ISG20: variants seen among roughly 807,000 people sequenced by gnomAD.
ISG20 encodes the protein interferon-stimulated gene 20 kDa protein.
Under a neutral mutation model 11.1 loss-of-function variants are expected in ISG20, and 8 were observed. That is an observed-to-expected ratio of 0.72 (90% CI 0.42 to 1.30). The LOEUF (loss-of-function observed/expected upper bound fraction) is 1.30, where lower values mean the gene tolerates loss of function less well. Ranked by LOEUF, ISG20 falls within the 50% of genes most tolerant of loss-of-function variation. The probability of loss-of-function intolerance (pLI) is 0.01; values close to 1 mark genes in which losing one functional copy is unlikely to be tolerated. For synonymous variants in ISG20, 110 were observed against 101.7 expected, an observed-to-expected ratio of 1.08 and a Z score of -0.49; for missense variants, 243 against 250.2, an observed-to-expected ratio of 0.97 and a Z score of 0.19.
At chr15:88,651,846 A>C in intron 2 of ISG20, 2 of 1,321,930 alleles carry the variant, frequency 1.5e-6, no homozygotes, top group Non-Finnish European at 1.9e-6. Context: ...GGAAATACTC[A>C]GGATGTACTA....
chr15:88,650,074 G>A lies in ISG20; in HGVS notation c.229-2036G>A, dbSNP rs531526410. On this transcript the variant is annotated intron_variant, in intron 2 of 3. Transcript: ENST00000306072. The surrounding 1 kb of genome is among the most constrained non-coding windows in gnomAD (Gnocchi z 4.0). ...AGAAGGAGAAGCAGGCTACGGGGAA[G>A]GTGTTAGGCACCAGAAGGCTCTTTC... is the stretch of plus-strand genomic sequence containing the variant. 138 of 622,764 alleles carry A rather than the reference G, an allele frequency of 2.2e-4. 1 individual carries two copies. The African/African-American group carries it at 2.2e-3, about 10-fold the overall frequency. The allele number at this position is 622,764 out of a possible 1,614,324, so 38.6% of individuals were successfully genotyped here.
upstream of ISG20, chr15:88,636,004 A>G (rs1196517724): frequency 1.3e-5 from 2 of 152,258 alleles, no homozygotes; most frequent in African/African-American, 4.8e-5. Context: ...TTTTAGGCGT[A>G]CATGCCCAGC....
upstream of ISG20, among the ~76,000 whole-genome samples, chr15:88,638,126 AG>A (rs747920657): frequency 7.2e-5 from 11 of 152,216 alleles, no homozygotes; most frequent in Non-Finnish European, 1.3e-4. Context: ...TGACACTGGG[AG>A]GCAGTCAGAT....
intron 2 of ISG20, among the ~76,000 whole-genome samples, chr15:88,645,187 G>A (rs1467317149): frequency 6.6e-6 from 1 of 152,118 alleles, no homozygotes; most frequent in East Asian, 1.9e-4. Flanking sequence ...TCACCTATAG[G>A]TTTGTACAAT....
At chr15:88,653,426 G>A (rs191234034) in intron 3 of ISG20, among the ~76,000 whole-genome samples, 2 of 152,266 alleles carry the variant, frequency 1.3e-5, no homozygotes, top group South Asian at 2.1e-4. Flanking sequence ...GGAGCACGGA[G>A]CCCGCCCCTA....
intron 3 of ISG20, among the ~76,000 whole-genome samples, chr15:88,655,126 A>T (rs956616881): frequency 1.3e-5 from 2 of 152,220 alleles, no homozygotes; most frequent in Non-Finnish European, 2.9e-5. Flanking sequence ...CGTGTGTCTG[A>T]CAGCAAGTCT....
chr15:88,649,777 G>A, intron 2 of ISG20: 1 of 170,320 alleles, frequency 5.9e-6, no homozygotes, highest in South Asian at 1.4e-4. Flanking sequence ...GCGCTGGTGT[G>A]GTTCAGGAGC....
At chr15:88,651,698 G>C (rs73465643) in intron 2 of ISG20, 1 of 781,626 alleles carries the variant, frequency 1.3e-6, no homozygotes, top group South Asian at 4.8e-5. Flanking sequence ...CTCTTTGCCA[G>C]GTAATGCATT....
chr15:88,655,488 T>C lies in ISG20; in HGVS notation c.503T>C (p.Ile168Thr), dbSNP rs1289784095. 3.1e-6 allele frequency: 5 copies of C among 1,613,524 alleles called. No individual in the cohort carries two copies. The part of the protein sequence containing the change: ...TMELYQISQR[I>T]RARRGLPRLA... ...GAGCTCTATCAAATCTCCCAGAGAA[T>C]CCGAGCCCGCCGAGGGCTGCCCCGC... The change falls in exon 4 of 4, where the codon ATC becomes ACC. Residue 168 changes from isoleucine (I) to threonine (T), a missense_variant. By Grantham distance (89) the Ile-to-Thr change is moderately conservative. Transcript: ENST00000306072.
chr15:88,655,407 GT>G lies in ISG20; in HGVS notation c.430-7del. 8 of 1,613,286 alleles carry G rather than the reference GT, an allele frequency of 5.0e-6. No homozygotes were observed. The South Asian group carries it at 8.8e-5, about 18-fold the overall frequency. ...TCCCAAGTCCCCACTCTATACTTGT[GT>G]CTGCAGAACAGCCTGCTTGGACACA... On this transcript the variant is annotated splice_polypyrimidine_tract_variant and splice_region_variant and intron_variant, in intron 3 of 3. Transcript: ENST00000306072.
At chr15:88,654,996 T>C (rs1282435681) in intron 3 of ISG20, among the ~76,000 whole-genome samples, 2 of 152,224 alleles carry the variant, frequency 1.3e-5, no homozygotes, top group East Asian at 1.9e-4. Flanking sequence ...CGGCCTTTCC[T>C]TTCCATTTAT....
intron 2 of ISG20, among the ~76,000 whole-genome samples, chr15:88,644,219 G>T (rs2058129734): frequency 6.6e-6 from 1 of 152,124 alleles, no homozygotes. Flanking sequence ...AGGATAGATG[G>T]GAGCGAGAAA....
At position 88,642,674 on chromosome 15, in the gene ISG20, C is replaced by T. The variant is rs374989526; in HGVS notation, c.228+3080C>T. On this transcript the variant is annotated intron_variant, in intron 2 of 3. Transcript: ENST00000306072. ...CTCTATCGCCCAGGCTGGAGTGTGG[C>T]GGCGCGATCTCGGCTCACTACAACC... Among the ~76,000 whole-genome samples, 140 of 152,206 alleles carry T rather than the reference C, an allele frequency of 9.2e-4. 3 individuals are homozygous for T. The South Asian group carries it at 0.025, about 27-fold the overall frequency.
upstream of ISG20, chr15:88,638,778 A>AGGG (rs1208366367): frequency 1.3e-5 from 2 of 155,190 alleles, no homozygotes; most frequent in African/African-American, 2.4e-5. Flanking sequence ...TCATCTGAGG[A>AGGG]GGGGGAGGGC....
intron 2 of ISG20, chr15:88,651,396 C>T (rs1407884711): frequency 3.0e-6 from 2 of 661,284 alleles, no homozygotes; most frequent in Non-Finnish European, 3.7e-6. Context: ...GCGTGGGTCT[C>T]ACTGGTCTAA....
chr15:88,652,175 G>A lies in ISG20; in HGVS notation c.294G>A (p.Leu98=). ...ACCTGAAGCACGACTTCCAGGCACTGAAAGAGGACATGAGCGGCTACACAA... is the reference window on the plus strand; with the variant it reads ...ACCTGAAGCACGACTTCCAGGCACTAAAAGAGGACATGAGCGGCTACACAA... ...GHDLKHDFQA[L]KEDMSGYTIY... Residue 98 remains leucine (L), a synonymous_variant, in exon 3 of 4, where the codon CTG becomes CTA. Coordinates refer to ENST00000306072, the MANE Select transcript of ISG20 (RefSeq NM_002201.6). The A allele has an allele frequency of 1.2e-6, 2 of 1,614,120 alleles. No individual in the cohort carries two copies. The highest frequency in any genetic ancestry group is 2.2e-5 in the South Asian group (2 of 91,082).
At chr15:88,641,614 C>A (rs1036385055) in intron 2 of ISG20, among the ~76,000 whole-genome samples, 1 of 152,066 alleles carries the variant, frequency 6.6e-6, no homozygotes, top group African/African-American at 2.4e-5. Flanking sequence ...CTGTGTGTGT[C>A]CAAACTTCCT....
chr15:88,636,558 T>C (rs577576361), upstream of ISG20, among the ~76,000 whole-genome samples: 2 of 152,334 alleles, frequency 1.3e-5, no homozygotes, highest in African/African-American at 2.4e-5. Flanking sequence ...AGTAAACTTT[T>C]AGTTTTTAAA....
chr15:88,654,818 T>A (rs2058347814), intron 3 of ISG20, among the ~76,000 whole-genome samples: 1 of 152,128 alleles, frequency 6.6e-6, no homozygotes, highest in Non-Finnish European at 1.5e-5. Context: ...CCGACTCCCA[T>A]AGCACTACCC....
Sources: allele counts gnomAD v4.1 joint callset (sites outside exome capture counted in the v4.1 genomes callset), GRCh38; gene constraint gnomAD v4.1.1; non-coding constraint Gnocchi (gnomAD v3.1); transcripts MANE v1.5; gene names NCBI Gene and HGNC (gene_info 2026-07-23, HGNC 2026-07-21).